Variants in PCDHA2 observed in about 807,000 individuals in gnomAD.
The protein encoded by PCDHA2 is protocadherin alpha 2.
Under a neutral mutation model 66.0 loss-of-function variants are expected in PCDHA2, and 58 were observed. The observed-to-expected ratio is 0.88, with a 90% CI of 0.71 to 1.09. The LOEUF is 1.09. Ranked by LOEUF, PCDHA2 falls within the 50% of genes least tolerant of loss-of-function variation. The probability of loss-of-function intolerance (pLI) is 0.00; values close to 1 mark genes in which losing one functional copy is unlikely to be tolerated. For synonymous variants in PCDHA2, 634 were observed against 554.0 expected (o/e 1.14, Z -2.03); for missense variants, 1,267 against 1,242.3 (o/e 1.02, Z -0.30).
intron 1 of PCDHA2, among the ~76,000 whole-genome samples, chr5:140,918,298 A>G (rs2078622610): frequency 6.6e-6 from 1 of 152,150 alleles, no homozygotes; most frequent in Non-Finnish European, 1.5e-5. Context: ...GGCAGAGAAT[A>G]TAGGGTTTTC....
chr5:140,948,158 A>C lies in PCDHA2; in HGVS notation c.2389-30791A>C, dbSNP rs191151506. On this transcript the variant is annotated intron_variant, in intron 1 of 3. Transcript: ENST00000526136. The stretch of plus-strand genomic sequence containing the variant: ...TAATTGATTTTTGAATGTTGGAAAA[A>C]ACCTTCCATTCCTAGGGTAAATCCC... Among the ~76,000 whole-genome samples the C allele has an allele frequency of 2.8e-3, 418 of 151,676 alleles. 1 individual carries two copies. The highest frequency in any genetic ancestry group is 0.014 in the Middle Eastern group (4 of 294).
intron 1 of PCDHA2, chr5:140,829,457 G>T (rs2150168279): frequency 1.2e-6 from 2 of 1,613,878 alleles, no homozygotes; most frequent in Non-Finnish European, 1.7e-6. Flanking sequence ...TCCGGCGTTC[G>T]CGCAGCCCGA....
intron 1 of PCDHA2, among the ~76,000 whole-genome samples, chr5:140,900,021 T>A (rs1423634160): frequency 1.3e-5 from 2 of 152,092 alleles, no homozygotes; most frequent in Non-Finnish European, 2.9e-5. Context: ...TGTTACCCAG[T>A]TTGGCCTTGA....
Position 140,856,254 on chromosome 5 carries a change from G to C in PCDHA2, c.2388+58902G>C, listed in dbSNP as rs1554148458. 6.9e-6 allele frequency: 11 copies of C among 1,598,144 alleles called. No homozygotes were observed. Among genetic ancestry groups the C allele is most frequent in the Admixed American group, 1.7e-5 (1 of 59,266 alleles). ...CGCCTGTTCCGGGTGGCGTCCAAAA[G>C]ACACGGGGACCTTCTGGAGGTAAAT... On this transcript the variant is annotated intron_variant, in intron 1 of 3. Transcript: ENST00000526136.
intron 1 of PCDHA2, among the ~76,000 whole-genome samples, chr5:140,818,324 C>T (rs2150100800): frequency 6.6e-6 from 1 of 152,092 alleles, no homozygotes; most frequent in Admixed American, 6.6e-5. Context: ...GGAATTTTAT[C>T]TTGTTATTCT....
chr5:140,968,569 C>G (rs1554230875), intron 1 of PCDHA2: 18 of 1,614,086 alleles, frequency 1.1e-5, no homozygotes, highest in Non-Finnish European at 1.5e-5. Context: ...CCCCTGCTGG[C>G]TACCTGGTCA....
chr5:140,838,830 G>T lies in PCDHA2; in HGVS notation c.2388+41478G>T, dbSNP rs2150292809. 1.2e-3 allele frequency among the ~76,000 whole-genome samples: 185 copies of T among 152,000 alleles called. 4 individuals carry two copies. Among genetic ancestry groups the T allele is most frequent in the African/African-American group, 4.4e-3 (182 of 41,426 alleles). ...TCAGCTACTCAAGAAACTGAGGTGG[G>T]AGGATCACTTAAGCCAGGGAGGTCC... On this transcript the variant is annotated intron_variant, in intron 1 of 3. Transcript: ENST00000526136.
chr5:140,978,036 C>T (rs1460377915), intron 1 of PCDHA2, among the ~76,000 whole-genome samples: 22 of 152,268 alleles, frequency 1.4e-4, no homozygotes, highest in Admixed American at 1.4e-3. Context: ...TGATACAAGA[C>T]AGTGATGGTG....
At chr5:140,980,350 G>T (rs1382723470) in intron 2 of PCDHA2, among the ~76,000 whole-genome samples, 1 of 152,128 alleles carries the variant, frequency 6.6e-6, no homozygotes, top group Admixed American at 6.5e-5. Context: ...TAACTTCCTG[G>T]ACTGGGCGCG....
chr5:140,964,785 C>G (rs890090665), intron 1 of PCDHA2, among the ~76,000 whole-genome samples: 40 of 151,526 alleles, frequency 2.6e-4, no homozygotes, highest in African/African-American at 9.7e-4. Context: ...GAGGAAGAAG[C>G]CAGAGACCCA....
chr5:140,805,556 G>C (rs1763591280), intron 1 of PCDHA2: 5 of 977,096 alleles, frequency 5.1e-6, no homozygotes, highest in Non-Finnish European at 4.9e-6. Flanking sequence ...GGATATAGGA[G>C]GCAAGGAAAG....
rs1290458104 is a variant in PCDHA2 at position 140,849,842 on chromosome 5, C to T, written c.2388+52490C>T. 18 of 1,598,416 alleles carry T rather than the reference C, an allele frequency of 1.1e-5. 3 individuals carry two copies. Among genetic ancestry groups the T allele is most frequent in the Admixed American group, 1.7e-5 (1 of 59,304 alleles). On this transcript the variant is annotated intron_variant, in intron 1 of 3. Coordinates refer to ENST00000526136, the MANE Select transcript of PCDHA2 (RefSeq NM_018905.3). The stretch of plus-strand genomic sequence containing the variant: ...TGTCTGTGGAGGTGGCCGACGTGAA[C>T]GACAACGCACCAGCGTTCGCGCAGT...
chr5:140,967,503 G>C (rs369053625), intron 1 of PCDHA2: 1 of 1,612,938 alleles, frequency 6.2e-7, no homozygotes, highest in Non-Finnish European at 8.5e-7. Context: ...ATCTCTGTGC[G>C]TGTCCTGGAC....
At chr5:140,929,148 G>A in intron 1 of PCDHA2, 1 of 1,614,190 alleles carries the variant, frequency 6.2e-7, no homozygotes, top group Middle Eastern at 1.6e-4. Flanking sequence ...GACTTTCTCA[G>A]ACTTATCTCT....
Position 140,849,815 on chromosome 5 carries a change from G to A in PCDHA2, c.2388+52463G>A, listed in dbSNP as rs2150451415. On this transcript the variant is annotated intron_variant, in intron 1 of 3. Transcript: ENST00000526136. ...CGCCTTCACTGTGGGCCACGGCCAGGGTGTCTGTGGAGGTGGCCGACGTGA... is the reference window on the plus strand; with the variant it reads ...CGCCTTCACTGTGGGCCACGGCCAGAGTGTCTGTGGAGGTGGCCGACGTGA... 1.8e-4 allele frequency: 280 copies of A among 1,598,402 alleles called. 16 individuals carry two copies. In the South Asian group the frequency reaches 3.0e-3, roughly 17 times the overall value.
chr5:140,856,036 A>G (rs1554148102), intron 1 of PCDHA2: 5 of 1,567,408 alleles, frequency 3.2e-6, no homozygotes, highest in Non-Finnish European at 4.3e-6. Flanking sequence ...TTGTAAAACA[A>G]GAGAAGGATA....
intron 1 of PCDHA2, chr5:140,927,292 C>A: frequency 6.2e-7 from 1 of 1,614,162 alleles, no homozygotes; most frequent in East Asian, 2.2e-5. Flanking sequence ...GCTGCACATC[C>A]CCGAGTTCCT....
At chr5:140,861,304 A>G (rs1581606834) in intron 1 of PCDHA2, 1 of 189,694 alleles carries the variant, frequency 5.3e-6, no homozygotes, top group Non-Finnish European at 1.1e-5. Context: ...GTGAAGCGGG[A>G]AAGGACCAGT....
rs1172235906 is a variant in PCDHA2, at chr5:140,871,551, C to T, written c.2388+74199C>T. 10 of 1,494,576 alleles carry T rather than the reference C, an allele frequency of 6.7e-6. No homozygotes were observed. The Admixed American group carries it at 2.5e-4, about 38-fold the overall frequency. 92.6% of individuals were successfully genotyped at this position (1,494,576 alleles called of 1,614,324 possible). ...AGTGTATGTGAAATTATTTAAAATC[C>T]AGTTTTTTTTCACGGATTTTTTAAG... On this transcript the variant is annotated intron_variant, in intron 1 of 3. Transcript: ENST00000526136.
Sources: allele counts gnomAD v4.1 joint callset (sites outside exome capture counted in the v4.1 genomes callset), GRCh38; gene constraint gnomAD v4.1.1; transcripts MANE v1.5; gene names NCBI Gene and HGNC (gene_info 2026-07-23, HGNC 2026-07-21).